CFAP107: variants seen among roughly 807,000 people sequenced by gnomAD.
The protein encoded by CFAP107 is cilia and flagella associated protein 107.
the CFAP107 span, among the ~76,000 whole-genome samples, chr1:12,750,328 T>C: frequency 1.3e-5 from 2 of 152,156 alleles, no homozygotes; most frequent in African/African-American, 2.4e-5. Context: ...GGCAAAAATC[T>C]ACAAGACATA....
chr1:12,759,201 C>G, the CFAP107 span: 110 of 1,283,688 alleles, frequency 8.6e-5, 3 homozygotes, highest in Non-Finnish European at 1.5e-5. Flanking sequence ...GATGCCCGCT[C>G]TCTCCATCAG....
the CFAP107 span, among the ~76,000 whole-genome samples, chr1:12,748,116 G>A: frequency 6.6e-6 from 1 of 152,172 alleles, no homozygotes; most frequent in Non-Finnish European, 1.5e-5. Context: ...GCATTTTAGG[G>A]TAAGTGGCAG....
At chr1:12,749,094 G>A in the CFAP107 span, among the ~76,000 whole-genome samples, 2 of 151,962 alleles carry the variant, frequency 1.3e-5, no homozygotes, top group African/African-American at 4.8e-5. Context: ...AGAGAAAGGG[G>A]CTAAAAGAGT....
At chr1:12,757,424 C>T in the CFAP107 span, among the ~76,000 whole-genome samples, 1 of 149,856 alleles carries the variant, frequency 6.7e-6, no homozygotes, top group Non-Finnish European at 1.5e-5. Context: ...CTCTGTCCCC[C>T]AGGCTAGAGT....
chr1:12,746,676 G>T, the CFAP107 span: 1 of 649,412 alleles, frequency 1.5e-6, no homozygotes, highest in Non-Finnish European at 2.8e-6. Context: ...GGGTCTCTGT[G>T]CTCTACAAAG....
At chr1:12,746,560 TTGGAGAGAGGGCTCAGAGGGACTGA>T in the CFAP107 span, 17 of 1,570,664 alleles carry the variant, frequency 1.1e-5, no homozygotes, top group Admixed American at 1.7e-5. Flanking sequence ...ACGAGAGAGG[TTGGAGAGAGGGCTCAGAGGGACTGA>T]TGGGGAGAGG....
the CFAP107 span, among the ~76,000 whole-genome samples, chr1:12,757,794 T>G: frequency 6.6e-6 from 1 of 152,058 alleles, no homozygotes; most frequent in East Asian, 1.9e-4. Flanking sequence ...GCTCTTCTGT[T>G]TGCTTCATGT....
At chr1:12,748,890 G>T in the CFAP107 span, among the ~76,000 whole-genome samples, 1 of 152,134 alleles carries the variant, frequency 6.6e-6, no homozygotes, top group Non-Finnish European at 1.5e-5. Context: ...ATAAAAAGGA[G>T]TCAAACCAGT....
chr1:12,760,256 G>T, the CFAP107 span, among the ~76,000 whole-genome samples: 1 of 152,174 alleles, frequency 6.6e-6, no homozygotes, highest in Admixed American at 6.5e-5. Context: ...ACTTTTGTAG[G>T]AGAGTGCCTT....
chr1:12,750,047 A>C, the CFAP107 span, among the ~76,000 whole-genome samples: 1 of 152,218 alleles, frequency 6.6e-6, no homozygotes, highest in Non-Finnish European at 1.5e-5. Context: ...AATCTATGTA[A>C]ATGAGTCTGC....
the CFAP107 span, among the ~76,000 whole-genome samples, chr1:12,746,963 GTAT>G: frequency 6.6e-6 from 1 of 151,946 alleles, no homozygotes; most frequent in African/African-American, 2.4e-5. Context: ...CCAGAATATG[GTAT>G]CTCCTGAGGC....
the CFAP107 span, chr1:12,755,634 G>A: frequency 9.2e-7 from 1 of 1,086,090 alleles, no homozygotes; most frequent in Non-Finnish European, 1.4e-6. Context: ...CAGGAGGTAA[G>A]GGGACCCAGC....
chr1:12,754,442 A>G, the CFAP107 span, among the ~76,000 whole-genome samples: 1 of 152,258 alleles, frequency 6.6e-6, no homozygotes, highest in African/African-American at 2.4e-5. Flanking sequence ...GTGGAAAACA[A>G]TATGGGAGTT....
the CFAP107 span, chr1:12,763,113 G>T: frequency 1.3e-5 from 2 of 152,088 alleles, no homozygotes; most frequent in African/African-American, 4.8e-5. Flanking sequence ...TTGAACCCAG[G>T]AGGCGGAGGT....
chr1:12,760,813 A>G, the CFAP107 span: 2 of 1,614,062 alleles, frequency 1.2e-6, no homozygotes, highest in African/African-American at 1.3e-5. Context: ...TCAAGCAGAG[A>G]CAGCTCACAC....
chr1:12,748,476 A>C, the CFAP107 span, among the ~76,000 whole-genome samples: 1 of 151,844 alleles, frequency 6.6e-6, no homozygotes. Flanking sequence ...AAAAAAAAAA[A>C]AAAACCACAC....
At chr1:12,756,058 C>T in the CFAP107 span, among the ~76,000 whole-genome samples, 1 of 152,232 alleles carries the variant, frequency 6.6e-6, no homozygotes. Flanking sequence ...GGATCACACT[C>T]TTCCAACAGA....
chr1:12,759,761 C>T, the CFAP107 span: 486 of 538,640 alleles, frequency 9.0e-4, 1 homozygote, highest in African/African-American at 8.6e-3. Flanking sequence ...GCAACATCCA[C>T]GCATCCTTCC....
At chr1:12,759,317 C>T in the CFAP107 span, 10 of 1,613,776 alleles carry the variant, frequency 6.2e-6, no homozygotes, top group South Asian at 8.8e-5. Flanking sequence ...CAGGGGCTAC[C>T]TTACAAACAC....
Sources: allele counts gnomAD v4.1 joint callset (sites outside exome capture counted in the v4.1 genomes callset), GRCh38; gene constraint gnomAD v4.1.1; transcripts MANE v1.5; gene names NCBI Gene and HGNC (gene_info 2026-07-23, HGNC 2026-07-21).